Variants in BAZ2B observed in about 807,000 individuals in gnomAD.
BAZ2B encodes bromodomain adjacent to zinc finger domain protein 2B.
A neutral mutation model predicts 246.0 loss-of-function variants in BAZ2B; 91 were observed. The ratio of observed to expected loss-of-function variants is 0.37; its 90% CI spans 0.31 to 0.44. The LOEUF (loss-of-function observed/expected upper bound fraction) is 0.44, where lower values mean the gene tolerates loss of function less well. Ranked by LOEUF, BAZ2B falls within the 20% of genes least tolerant of loss-of-function variation. BAZ2B has a pLI of 1.00. For missense variants in BAZ2B, 2,332 were observed against 2,533.7 expected, an observed-to-expected ratio of 0.92 and a Z score of 1.71; for synonymous variants, 855 against 860.0, an observed-to-expected ratio of 0.99 and a Z score of 0.10.
chr2:159,672,167 C>T, the BAZ2B span, among the ~76,000 whole-genome samples: 1 of 151,982 alleles, frequency 6.6e-6, no homozygotes, highest in African/African-American at 2.4e-5. Flanking sequence ...CTAGTTGCAA[C>T]AAAATAATAA....
At chr2:159,335,557 A>T (rs985103316) in intron 33 of BAZ2B, among the ~76,000 whole-genome samples, 1 of 151,920 alleles carries the variant, frequency 6.6e-6, no homozygotes, top group Non-Finnish European at 1.5e-5. Flanking sequence ...AAAAAAAAAA[A>T]AAAAAATTAT....
At chr2:159,440,042 A>G (rs988128215) in intron 6 of BAZ2B, among the ~76,000 whole-genome samples, 6 of 152,190 alleles carry the variant, frequency 3.9e-5, no homozygotes, top group South Asian at 2.1e-4. Flanking sequence ...CATGAGATGT[A>G]TTATAACAAA....
intron 3 of BAZ2B, among the ~76,000 whole-genome samples, chr2:159,456,986 T>G (rs914349254): frequency 2.0e-5 from 3 of 152,200 alleles, no homozygotes; most frequent in African/African-American, 4.8e-5. Context: ...TCAGTGATAT[T>G]TTTAAAAAAG....
chr2:159,626,857 C>CA, the BAZ2B span, among the ~76,000 whole-genome samples: 1 of 152,034 alleles, frequency 6.6e-6, no homozygotes, highest in South Asian at 2.1e-4. Context: ...AAAAACCCTT[C>CA]AAAAAATCAA....
chr2:159,622,038 G>A, the BAZ2B span, among the ~76,000 whole-genome samples: 21 of 152,006 alleles, frequency 1.4e-4, no homozygotes, highest in African/African-American at 3.4e-4. Flanking sequence ...ACCGGGAGGC[G>A]GAGGTTGCGG....
At chr2:159,554,306 T>C (rs572755960) in intron 2 of BAZ2B, among the ~76,000 whole-genome samples, 1 of 152,300 alleles carries the variant, frequency 6.6e-6, no homozygotes, top group Admixed American at 6.5e-5. Flanking sequence ...TTTCATTTAA[T>C]GCTAATGTTA....
At chr2:159,474,662 T>C (rs1349107692) in intron 3 of BAZ2B, among the ~76,000 whole-genome samples, 1 of 152,236 alleles carries the variant, frequency 6.6e-6, no homozygotes, top group Admixed American at 6.5e-5. Flanking sequence ...TGATGGTCTT[T>C]ACAATTTGGT....
intron 22 of BAZ2B, 137 bp downstream of exon 22, chr2:159,386,216 A>G (rs1559207693): frequency 9.9e-7 from 1 of 1,011,490 alleles, no homozygotes; most frequent in South Asian, 1.8e-5. Context: ...ACCTGACACA[A>G]ATCTACAGTT....
At chr2:159,417,975 T>C (rs369600788) in intron 13 of BAZ2B, among the ~76,000 whole-genome samples, 1 of 152,206 alleles carries the variant, frequency 6.6e-6, no homozygotes, top group Admixed American at 6.5e-5. Context: ...AGATGAATAG[T>C]ACATTAGTCT....
At chr2:159,565,709 C>T (rs570775387) in intron 1 of BAZ2B, among the ~76,000 whole-genome samples, 2 of 142,984 alleles carry the variant, frequency 1.4e-5, no homozygotes, top group South Asian at 2.2e-4. Context: ...TCCGGGAGGG[C>T]GAGTTTGCAG....
At chr2:159,552,643 T>C (rs1004814099) in intron 2 of BAZ2B, among the ~76,000 whole-genome samples, 4 of 152,338 alleles carry the variant, frequency 2.6e-5, no homozygotes, top group African/African-American at 9.6e-5. Flanking sequence ...TCCACCCTGC[T>C]TCCTGTGGTT....
intron 13 of BAZ2B, among the ~76,000 whole-genome samples, chr2:159,418,243 G>T (rs976874658): frequency 1.3e-5 from 2 of 152,160 alleles, no homozygotes; most frequent in African/African-American, 2.4e-5. Flanking sequence ...TCTTTTTAGT[G>T]AGTTCTTAAA....
In BAZ2B at chr2:159,566,307, G is replaced by A. The variant is rs186072661; in HGVS notation, c.-45-10442C>T. Among the ~76,000 whole-genome samples the A allele has an allele frequency of 1.6e-4, 25 of 152,180 alleles. No individual in the cohort carries two copies. The East Asian group carries it at 3.7e-3, about 22-fold the overall frequency. On this transcript the variant is annotated intron_variant, in intron 1 of 36. Coordinates refer to ENST00000392783, the MANE Select transcript of BAZ2B (RefSeq NM_013450.4). The stretch of plus-strand genomic sequence containing the variant: ...ATTACAGGTGTGACCCACCGCGCCT[G>A]GCAATGTTGACATATCTTATGATGT...
chr2:159,531,980 T>A (rs567806729), intron 2 of BAZ2B, among the ~76,000 whole-genome samples: 270 of 152,346 alleles, frequency 1.8e-3, no homozygotes, highest in African/African-American at 5.8e-3. Context: ...TCAAATATAT[T>A]CCTAAAACTT....
At chr2:159,524,756 T>A (rs1218319475) in intron 2 of BAZ2B, among the ~76,000 whole-genome samples, 1 of 152,164 alleles carries the variant, frequency 6.6e-6, no homozygotes, top group Non-Finnish European at 1.5e-5. Flanking sequence ...ATTGATATTT[T>A]CCTAAATAAA....
chr2:159,671,291 G>A, the BAZ2B span, among the ~76,000 whole-genome samples: 23 of 151,980 alleles, frequency 1.5e-4, no homozygotes, highest in Non-Finnish European at 3.1e-4. Flanking sequence ...TGGGTCACTG[G>A]AGCTCCTCGC....
At position 159,332,658 on chromosome 2, in the gene BAZ2B, T is replaced by C. The variant is rs1302664223; in HGVS notation, c.5825A>G (p.Asn1942Ser). The C allele has an allele frequency of 5.6e-6, 9 of 1,613,940 alleles. No individual in the cohort carries two copies. The highest frequency in any genetic ancestry group is 7.6e-6 in the Non-Finnish European group (9 of 1,179,962). The change falls in exon 34 of 37, where the codon AAT becomes AGT. Residue 1942 changes from asparagine (N) to serine (S), a missense_variant. Transcript: ENST00000392783. Reference protein sequence around the residue: ...VYCQICRKGDNEELLLLCDGC... With the variant: ...VYCQICRKGDSEELLLLCDGC... ...ATCACAAAGAAGAAGCAGTTCTTCATTATCTCCCTTTCGACAGATTTGGCA... is the reference window on the plus strand; with the variant it reads ...ATCACAAAGAAGAAGCAGTTCTTCACTATCTCCCTTTCGACAGATTTGGCA...
chr2:159,396,399 G>C (rs2064026245), intron 19 of BAZ2B: 1 of 152,022 alleles, frequency 6.6e-6, no homozygotes, highest in Non-Finnish European at 1.5e-5. Context: ...AGTTAAACTA[G>C]TCTTGTTTCA....
At chr2:159,613,620 A>G (rs1409792073) in intron 1 of BAZ2B, among the ~76,000 whole-genome samples, 3 of 152,168 alleles carry the variant, frequency 2.0e-5, no homozygotes, top group African/African-American at 7.2e-5. Flanking sequence ...AGTGACAATA[A>G]TATGTACAGT....
Sources: allele counts gnomAD v4.1 joint callset (sites outside exome capture counted in the v4.1 genomes callset), GRCh38; gene constraint gnomAD v4.1.1; transcripts MANE v1.5; gene names NCBI Gene and HGNC (gene_info 2026-07-23, HGNC 2026-07-21).